Variants in PIK3CB observed in about 807,000 individuals in gnomAD.
PIK3CB encodes the protein phosphatidylinositol 4,5-bisphosphate 3-kinase catalytic subunit beta isoform.
PIK3CB carries 39 observed loss-of-function variants against 136.8 expected under a neutral mutation model. The ratio of observed to expected loss-of-function variants is 0.29; its 90% confidence interval spans 0.22 to 0.37. The LOEUF is 0.37. Among genes scored for constraint, PIK3CB ranks in the 10% least tolerant of loss-of-function variants. PIK3CB has a pLI of 1.00. For synonymous variants in PIK3CB, 428 were observed against 436.6 expected (o/e 0.98, Z 0.25); for missense variants, 868 against 1,275.4 (o/e 0.68, Z 4.87).
rs150338320 is a variant in PIK3CB at position 138,731,931 on chromosome 3, C to T, written c.1050+1430G>A. Among the ~76,000 whole-genome samples, 780 of 151,236 alleles carry T rather than the reference C, an allele frequency of 5.2e-3. 8 individuals carry two copies. The highest frequency in any genetic ancestry group is 0.018 in the African/African-American group (726 of 41,168). On this transcript the variant is annotated intron_variant, in intron 8 of 23. Coordinates refer to ENST00000674063, the MANE Select transcript of PIK3CB (RefSeq NM_006219.3). The stretch of plus-strand genomic sequence containing the variant: ...CCGGGAGGCAGAGGTTGCAGTGAGC[C>T]GAGTTCATGCCACTGCGCTCTAGCC...
chr3:138,673,721 A>C (rs1371665232), intron 19 of PIK3CB, among the ~76,000 whole-genome samples: 1 of 151,862 alleles, frequency 6.6e-6, no homozygotes, highest in Non-Finnish European at 1.5e-5. Context: ...ACACACACAC[A>C]CCCCAACGTG....
chr3:138,795,716 G>A (rs769943587), intron 2 of PIK3CB, among the ~76,000 whole-genome samples: 1 of 152,202 alleles, frequency 6.6e-6, no homozygotes, highest in Non-Finnish European at 1.5e-5. Context: ...TATAACTCCA[G>A]TGCTTAAGGA....
chr3:138,742,401 T>C (rs2045263658), intron 5 of PIK3CB, among the ~76,000 whole-genome samples, 157 bp downstream of exon 5: 1 of 152,214 alleles, frequency 6.6e-6, no homozygotes, highest in African/African-American at 2.4e-5. Flanking sequence ...TTTAGACTAT[T>C]ATATATAATC....
chr3:138,726,789 C>T (rs1442908528), intron 8 of PIK3CB, among the ~76,000 whole-genome samples: 1 of 151,926 alleles, frequency 6.6e-6, no homozygotes, highest in Non-Finnish European at 1.5e-5. Context: ...TGCCTGAAAT[C>T]CCAGCACTTT....
At chr3:138,744,425 A>G (rs1477246331) in intron 4 of PIK3CB, among the ~76,000 whole-genome samples, 2 of 141,978 alleles carry the variant, frequency 1.4e-5, no homozygotes, top group Admixed American at 1.4e-4. Context: ...AAAAAAAAGG[A>G]AGTGGATCAC....
At chr3:138,663,438 G>A (rs1353274165) in intron 21 of PIK3CB, among the ~76,000 whole-genome samples, 1 of 152,154 alleles carries the variant, frequency 6.6e-6, no homozygotes, top group African/African-American at 2.4e-5. Context: ...CTGGAGCACA[G>A]TGAGGCGATC....
At chr3:138,827,497 T>C (rs987947859) in intron 1 of PIK3CB, among the ~76,000 whole-genome samples, 21 of 151,868 alleles carry the variant, frequency 1.4e-4, no homozygotes, top group Non-Finnish European at 2.6e-4. Context: ...GTCTTCTACC[T>C]AAGAAATTTT....
intron 2 of PIK3CB, among the ~76,000 whole-genome samples, chr3:138,786,256 AT>A (rs1158795903): frequency 2.6e-5 from 4 of 152,196 alleles, no homozygotes; most frequent in African/African-American, 9.6e-5. Context: ...AAAATTACAG[AT>A]TTGTAGTCAT....
At chr3:138,693,958 TATATATATTATATATA>T (rs1244688297) in intron 14 of PIK3CB, among the ~76,000 whole-genome samples, 109 of 34,018 alleles carry the variant, frequency 3.2e-3, no homozygotes, top group African/African-American at 0.024. Flanking sequence ...TATATATATA[TATATATATTATATATA>T]TATATATATA....
At chr3:138,684,895 C>T in intron 16 of PIK3CB, 92 bp from the exon 17 acceptor site, 1 of 807,338 alleles carries the variant, frequency 1.2e-6, no homozygotes. Flanking sequence ...CTGCTCCCAA[C>T]ATATACACAT....
At position 138,811,375 on chromosome 3, in the gene PIK3CB, A is replaced by G. The variant is rs115360129; in HGVS notation, c.-121-14808T>C. On this transcript the variant is annotated intron_variant, in intron 1 of 23. Transcript: ENST00000674063. ...TATAAACTATATATTAGGTAACAATACCAATGTTAAGTTTTCTAAATGTGG... is the reference window on the plus strand; with the variant it reads ...TATAAACTATATATTAGGTAACAATGCCAATGTTAAGTTTTCTAAATGTGG... Among the ~76,000 whole-genome samples the G allele has an allele frequency of 8.5e-3, 1,292 of 152,124 alleles. 25 individuals are homozygous for G. The highest frequency in any genetic ancestry group is 0.028 in the African/African-American group (1,171 of 41,494).
At chr3:138,747,931 T>A (rs542394226) in intron 4 of PIK3CB, among the ~76,000 whole-genome samples, 1 of 152,278 alleles carries the variant, frequency 6.6e-6, no homozygotes, top group South Asian at 2.1e-4. Flanking sequence ...AAACTTATGA[T>A]TATTCCAGTA....
chr3:138,657,568 T>C, intron 22 of PIK3CB, 122 bp downstream of exon 22: 1 of 807,836 alleles, frequency 1.2e-6, no homozygotes, highest in South Asian at 1.8e-5. Flanking sequence ...CCCCAAAAGC[T>C]TCCTATAATC....
At chr3:138,665,941 C>T (rs2043400964) in intron 19 of PIK3CB, among the ~76,000 whole-genome samples, 1 of 152,218 alleles carries the variant, frequency 6.6e-6, no homozygotes, top group South Asian at 2.1e-4. Flanking sequence ...TTTACCTCCC[C>T]AATTAGATTG....
At chr3:138,791,472 C>A (rs2046047077) in intron 2 of PIK3CB, among the ~76,000 whole-genome samples, 1 of 152,116 alleles carries the variant, frequency 6.6e-6, no homozygotes, top group Non-Finnish European at 1.5e-5. Context: ...CACCTCTCAG[C>A]CACAGCTTGA....
At chr3:138,745,789 G>C (rs751319410) in intron 4 of PIK3CB, among the ~76,000 whole-genome samples, 5 of 152,124 alleles carry the variant, frequency 3.3e-5, no homozygotes, top group African/African-American at 9.7e-5. Context: ...TCGAGGCTTG[G>C]GGGTTAGCAG....
intron 1 of PIK3CB, chr3:138,797,020 A>G (rs1323665197): frequency 1.3e-5 from 2 of 152,472 alleles, no homozygotes; most frequent in African/African-American, 4.8e-5. Flanking sequence ...CAAGAAAAAC[A>G]CGCTTAATCC....
chr3:138,812,200 G>C (rs910873194), intron 1 of PIK3CB, among the ~76,000 whole-genome samples: 1 of 151,522 alleles, frequency 6.6e-6, no homozygotes, highest in Non-Finnish European at 1.5e-5. Context: ...GAAAGGGTGG[G>C]AGGGAGGTGA....
intron 5 of PIK3CB, among the ~76,000 whole-genome samples, chr3:138,739,751 A>T (rs1156672316): frequency 2.0e-5 from 3 of 149,858 alleles, no homozygotes; most frequent in Non-Finnish European, 3.0e-5. Context: ...AAATATAAAA[A>T]ATTAGCCAGG....
Sources: allele counts gnomAD v4.1 joint callset (sites outside exome capture counted in the v4.1 genomes callset), GRCh38; gene constraint gnomAD v4.1.1; transcripts MANE v1.5; gene names NCBI Gene and HGNC (gene_info 2026-07-23, HGNC 2026-07-21).